NAGK: variants seen among roughly 807,000 people sequenced by gnomAD.
The protein encoded by NAGK is N-acetyl-D-glucosamine kinase.
A neutral mutation model predicts 42.9 loss-of-function variants in NAGK; 35 were observed. That is an observed-to-expected ratio of 0.82 (90% CI 0.62 to 1.08). NAGK has a LOEUF of 1.08. NAGK is among the 50% of genes least tolerant of loss of function. The pLI, the probability that NAGK is intolerant of heterozygous loss-of-function variation, is 0.00. For synonymous variants in NAGK, 172 were observed against 176.0 expected (o/e 0.98, Z 0.18); for missense variants, 446 against 446.0 (o/e 1.00, Z 0.00).
upstream of NAGK, chr2:71,068,570 C>G (rs945978590): frequency 2.0e-6 from 3 of 1,517,316 alleles, no homozygotes; most frequent in South Asian, 2.4e-5. Flanking sequence ...AGGGAGTCAG[C>G]TGGCTGCGCG....
At chr2:71,068,446 C>T (rs745417691), upstream of NAGK, 2 of 1,371,232 alleles carry the variant, frequency 1.5e-6, no homozygotes, top group Non-Finnish European at 1.9e-6. Context: ...CGGGAGGGGC[C>T]GCTGCGGACC....
chr2:71,068,912 G>A, intron 1 of NAGK, 200 bp downstream of exon 1: 1 of 1,299,220 alleles, frequency 7.7e-7, no homozygotes, highest in South Asian at 2.3e-5. Context: ...CTGTGCAACA[G>A]CCACACCCCG....
rs1037356546 is a variant in NAGK at position 71,071,803 on chromosome 2, T to C, written c.331T>C (p.Ser111Pro). ...CTTAATCACCACCGATGCCGCCGGC[T>C]CCATCGCCACAGCTACACCGGATGG... ...SYLITTDAAG[S>P]IATATPDGGV... Residue 111 changes from serine (S) to proline (P), a missense_variant, in exon 4 of 10, where the codon TCC (serine) becomes CCC (proline). Coordinates refer to ENST00000244204, the MANE Select transcript of NAGK (RefSeq NM_017567.6). 6.2e-7 allele frequency: 1 copy of C among 1,614,112 alleles called. No homozygotes were observed. The highest frequency in any genetic ancestry group is 8.5e-7 in the Non-Finnish European group (1 of 1,180,006).
chr2:71,072,811 TCTTTCTCTCCTTAGC>T (rs767542586), intron 5 of NAGK, 60 bp downstream of exon 5: 3 of 1,470,482 alleles, frequency 2.0e-6, no homozygotes, highest in Non-Finnish European at 1.9e-6. Flanking sequence ...TCACTCCCTG[TCTTTCTCTCCTTAGC>T]CTTGGCTCAC....
At chr2:71,068,497 C>G, upstream of NAGK, 11 of 1,426,930 alleles carry the variant, frequency 7.7e-6, no homozygotes, top group Non-Finnish European at 9.1e-6. Context: ...AGGAAGACAG[C>G]CTGAGGGACG....
chr2:71,078,607 T>C lies in NAGK; in HGVS notation c.*99T>C. 2 of 1,343,004 alleles carry C rather than the reference T, an allele frequency of 1.5e-6. No homozygotes were observed. Among genetic ancestry groups the C allele is most frequent in the South Asian group, 3.1e-5 (2 of 64,704 alleles). 83.2% of individuals were successfully genotyped at this position (1,343,004 alleles called of 1,614,324 possible). On this transcript the variant is annotated 3_prime_UTR_variant, in exon 10 of 10. Coordinates refer to ENST00000244204, the MANE Select transcript of NAGK (RefSeq NM_017567.6). ...TTTCTCCTTTTTACAAAAACAAACA[T>C]AGAAGAAAATAAATGCACTTTATCC...
chr2:71,068,364 C>T, upstream of NAGK: 1 of 884,350 alleles, frequency 1.1e-6, no homozygotes, highest in Non-Finnish European at 1.6e-6. Context: ...AGGGTCCGAC[C>T]GACCTAGATA....
intron 8 of NAGK, among the ~76,000 whole-genome samples, chr2:71,077,195 C>G (rs1291340446): frequency 6.6e-6 from 1 of 152,132 alleles, no homozygotes; most frequent in Admixed American, 6.6e-5. Flanking sequence ...GAACTCCTGA[C>G]CTCAAGTGAT....
At chr2:71,075,731 A>G (rs1421238454) in intron 7 of NAGK, 89 bp downstream of exon 7, 4 of 1,307,304 alleles carry the variant, frequency 3.1e-6, no homozygotes, top group Non-Finnish European at 4.4e-6. Context: ...CAGGACTGAC[A>G]ACAATTTTCC....
intron 3 of NAGK, 44 bp downstream of exon 3, chr2:71,070,883 T>C (rs1265228844): frequency 1.3e-5 from 21 of 1,592,968 alleles, no homozygotes; most frequent in Non-Finnish European, 1.8e-5. Context: ...TCTGTGACAC[T>C]GAGACAGCTA....
In NAGK at chr2:71,073,531, C is replaced by T. The variant is rs373700121; in HGVS notation, c.516C>T (p.Asp172=). ...TGAAAATAGTGTTTGACTCCATTGACAACCTAGAGGCGGCTCCTCATGATA... is the reference window on the plus strand; with the variant it reads ...TGAAAATAGTGTTTGACTCCATTGATAACCTAGAGGCGGCTCCTCATGATA... ...QAVKIVFDSI[D]NLEAAPHDIG... The change falls in exon 6 of 10, where the codon GAC becomes GAT. Residue 172 remains aspartate (D), a synonymous_variant. Transcript: ENST00000244204. The T allele has an allele frequency of 4.3e-6, 7 of 1,614,152 alleles. No individual in the cohort carries two copies. The highest frequency in any genetic ancestry group is 5.9e-6 in the Non-Finnish European group (7 of 1,180,008).
rs1249380461 is a variant in NAGK, at chr2:71,071,681, C to A, written c.214-5C>A. The A allele has an allele frequency of 6.2e-7, 1 of 1,611,664 alleles. No individual in the cohort carries two copies. The highest frequency in any genetic ancestry group is 8.5e-7 in the Non-Finnish European group (1 of 1,179,206). On this transcript the variant is annotated splice_region_variant and splice_polypyrimidine_tract_variant and intron_variant, in intron 3 of 9. Coordinates refer to ENST00000244204, the MANE Select transcript of NAGK (RefSeq NM_017567.6). ...GCACACTCGCTCACCTCCCGCGTGG[C>A]CTAGGGCCTATCTCTGAGCGGTGGG...
intron 2 of NAGK, 59 bp downstream of exon 2, chr2:71,070,645 C>T: frequency 6.2e-7 from 1 of 1,605,536 alleles, no homozygotes; most frequent in Non-Finnish European, 8.5e-7. Flanking sequence ...TCTGTAATTC[C>T]TGTTGAGGTG....
Position 71,075,591 on chromosome 2 carries a change from A to G in NAGK, c.616A>G (p.Arg206Gly). The change falls in exon 7 of 10, where the codon AGG (arginine) becomes GGG (glycine). Residue 206 changes from arginine to glycine, a missense_variant. By Grantham distance (125) the Arg-to-Gly change is moderately radical. Coordinates refer to ENST00000244204, the MANE Select transcript of NAGK (RefSeq NM_017567.6). ...GCTAGGGATACTCACTCACCTGTAT[A>G]GGGACTTTGATAAATGCAGGTTTGC... is the stretch of plus-strand genomic sequence containing the variant. ...DRLGILTHLY[R>G]DFDKCRFAGF... is the part of the protein sequence containing the mutation. 6.2e-7 allele frequency: 1 copy of G among 1,613,924 alleles called. No homozygotes were observed. Among genetic ancestry groups the G allele is most frequent in the Non-Finnish European group, 8.5e-7 (1 of 1,179,888 alleles).
intron 6 of NAGK, among the ~76,000 whole-genome samples, chr2:71,074,140 C>CAG (rs1672127195): frequency 6.6e-6 from 1 of 152,142 alleles, no homozygotes; most frequent in African/African-American, 2.4e-5. Context: ...TTAGCGGAAC[C>CAG]AGAGGTAAAA....
Position 71,075,891 on chromosome 2 carries a change from A to G in NAGK, c.667+249A>G, listed in dbSNP as rs1672193709. 1.1e-5 allele frequency: 6 copies of G among 525,516 alleles called. No individual in the cohort carries two copies. In the Admixed American group the frequency reaches 1.9e-4, roughly 17 times the overall value. The allele number at this position is 525,516 out of a possible 1,614,324, so 32.6% of individuals were successfully genotyped here. On this transcript the variant is annotated intron_variant, in intron 7 of 9. Coordinates refer to ENST00000244204, the MANE Select transcript of NAGK (RefSeq NM_017567.6). ...AGCTATCATGGCTTGCTTAGGCTGT[A>G]TGCCTGTTTCTGAGGAATTTATGAA...
intron 1 of NAGK, chr2:71,069,708 A>G (rs748770221): frequency 1.3e-5 from 2 of 154,620 alleles, no homozygotes; most frequent in Non-Finnish European, 2.9e-5. Context: ...CACCTCATGT[A>G]TTAACTACCC....
intron 5 of NAGK, 96 bp from the exon 6 acceptor site, chr2:71,073,386 T>A (rs17616553): frequency 1.6e-6 from 1 of 608,634 alleles, no homozygotes; most frequent in Non-Finnish European, 2.9e-6. Context: ...TTGTATAAAA[T>A]TCAAGCAGAT....
chr2:71,077,181 T>C (rs926430158), intron 8 of NAGK, among the ~76,000 whole-genome samples: 1 of 152,122 alleles, frequency 6.6e-6, no homozygotes, highest in African/African-American at 2.4e-5. Context: ...GCCAGGTAGG[T>C]CTTGAACTCC....
Sources: allele counts gnomAD v4.1 joint callset (sites outside exome capture counted in the v4.1 genomes callset), GRCh38; gene constraint gnomAD v4.1.1; transcripts MANE v1.5; gene names NCBI Gene and HGNC (gene_info 2026-07-23, HGNC 2026-07-21).